Variants in CDH4 observed in about 807,000 individuals in gnomAD.
The protein encoded by CDH4 is cadherin-4.
CDH4 carries 33 observed loss-of-function variants against 86.0 expected under a neutral mutation model. The observed-to-expected ratio is 0.38, with a 90% CI of 0.29 to 0.51. The LOEUF is 0.51. CDH4 is among the 20% of genes least tolerant of loss of function. CDH4 has a pLI of 0.86. For missense variants in CDH4, 1,114 were observed against 1,307.4 expected (o/e 0.85, Z 2.28); for synonymous variants, 555 against 549.4 (o/e 1.01, Z -0.14).
At chr20:61,878,371 C>T (rs1031166687) in intron 7 of CDH4, among the ~76,000 whole-genome samples, 1 of 152,210 alleles carries the variant, frequency 6.6e-6, no homozygotes, top group Non-Finnish European at 1.5e-5. Context: ...GCAGCTGGCT[C>T]CATTTGGGTA....
chr20:61,874,731 G>A (rs1010723337), intron 7 of CDH4, among the ~76,000 whole-genome samples: 3 of 152,166 alleles, frequency 2.0e-5, no homozygotes, highest in African/African-American at 7.2e-5. Flanking sequence ...CCCATCTCCA[G>A]GTCTCGCTGT....
intron 2 of CDH4, among the ~76,000 whole-genome samples, chr20:61,577,200 GTA>G (rs1480087617): frequency 2.6e-5 from 4 of 151,816 alleles, no homozygotes; most frequent in East Asian, 1.9e-4. Context: ...TGAAGGTTGA[GTA>G]TATGTTTGTG....
intron 2 of CDH4, among the ~76,000 whole-genome samples, chr20:61,338,826 A>G (rs1044040629): frequency 1.3e-5 from 2 of 152,218 alleles, no homozygotes; most frequent in African/African-American, 4.8e-5. Context: ...TCTTAGAGAA[A>G]GTTCCATCAT....
chr20:61,488,418 TG>T (rs1194815100), intron 2 of CDH4, among the ~76,000 whole-genome samples: 3 of 152,226 alleles, frequency 2.0e-5, no homozygotes, highest in African/African-American at 7.2e-5. Flanking sequence ...GGGTCCCCTG[TG>T]GAATGATCCT....
intron 2 of CDH4, among the ~76,000 whole-genome samples, chr20:61,666,181 G>A (rs2087322050): frequency 6.6e-6 from 1 of 152,188 alleles, no homozygotes; most frequent in East Asian, 1.9e-4. Flanking sequence ...GGCTATTCTT[G>A]ATTTTCCCTG....
At chr20:61,330,054 A>G (rs995177173) in intron 2 of CDH4, among the ~76,000 whole-genome samples, 12 of 152,154 alleles carry the variant, frequency 7.9e-5, no homozygotes, top group Non-Finnish European at 1.3e-4. Flanking sequence ...TCCATGGTGT[A>G]TATGTACCAC....
At chr20:61,743,927 C>A in intron 3 of CDH4, 138 bp downstream of exon 3, 1 of 700,156 alleles carries the variant, frequency 1.4e-6, no homozygotes, top group Non-Finnish European at 2.4e-6. Context: ...CAGGCCATTG[C>A]CAACCAAGCA....
chr20:61,678,500 A>G (rs73915323), intron 2 of CDH4, among the ~76,000 whole-genome samples: 6,469 of 152,304 alleles, frequency 0.042, 467 homozygotes, highest in African/African-American at 0.15. Context: ...GGTGGGCGCA[A>G]TGACACCAGG....
At chr20:61,451,449 C>T (rs2085380203) in intron 2 of CDH4, among the ~76,000 whole-genome samples, 2 of 152,158 alleles carry the variant, frequency 1.3e-5, no homozygotes, top group South Asian at 4.2e-4. Context: ...ATAATAATAC[C>T]GTTATATATC....
chr20:61,795,851 A>ATGAATGAATGAGTGAATGAGTGAG (rs61104409), intron 4 of CDH4, among the ~76,000 whole-genome samples: 2 of 151,522 alleles, frequency 1.3e-5, no homozygotes, highest in African/African-American at 4.9e-5. Flanking sequence ...GAATGAGTGA[A>ATGAATGAATGAGTGAATGAGTGAG]TGAATGAATG....
rs1984206219 is a variant in CDH4, at chr20:61,879,888, C to T, written c.1050+5988C>T. 6.6e-6 allele frequency among the ~76,000 whole-genome samples: 1 copy of T among 152,160 alleles called. No homozygotes were observed. ...TGAATCCGGCCTTCCGGTCCTATCA[C>T]AAGAGGACTATCACCTGGTCACCTC... On this transcript the variant is annotated intron_variant, in intron 7 of 15. Coordinates refer to ENST00000614565, the MANE Select transcript of CDH4 (RefSeq NM_001794.5). This position sits in a 1 kb window ranked among gnomAD's most constrained non-coding sequence, Gnocchi z 4.1.
Position 61,835,173 on chromosome 20 carries a change from C to T in CDH4, c.577-9495C>T, listed in dbSNP as rs901967463. Among the ~76,000 whole-genome samples, 6 of 152,194 alleles carry T rather than the reference C, an allele frequency of 3.9e-5. No homozygotes were observed. The East Asian group carries it at 1.2e-3, about 29-fold the overall frequency. ...TCAAGTGATCCTCCCGCCTCAGCCC[C>T]CTGAGCATCTGGGTCTACAGGCATG... is the stretch of plus-strand genomic sequence containing the variant. On this transcript the variant is annotated intron_variant, in intron 4 of 15. Coordinates refer to ENST00000614565, the MANE Select transcript of CDH4 (RefSeq NM_001794.5).
intron 4 of CDH4, among the ~76,000 whole-genome samples, chr20:61,819,959 C>A (rs112503500): frequency 0.018 from 2,773 of 152,302 alleles, 29 homozygotes; most frequent in Middle Eastern, 0.044. Context: ...TGCACACCTG[C>A]CCGTGAAAGG....
At chr20:61,471,635 T>A (rs1301338187) in intron 2 of CDH4, among the ~76,000 whole-genome samples, 1 of 152,078 alleles carries the variant, frequency 6.6e-6, no homozygotes, top group East Asian at 1.9e-4. Context: ...TTTGTTGATA[T>A]AGGTGCTTAT....
At chr20:61,895,504 T>TG (rs1985063793) in intron 8 of CDH4, among the ~76,000 whole-genome samples, 1 of 152,180 alleles carries the variant, frequency 6.6e-6, no homozygotes, top group South Asian at 2.1e-4. Flanking sequence ...ACCGGCTGCC[T>TG]GGGGCCTGAG....
intron 2 of CDH4, among the ~76,000 whole-genome samples, chr20:61,729,560 C>A (rs561887879): frequency 1.3e-5 from 2 of 152,350 alleles, no homozygotes; most frequent in Admixed American, 1.3e-4. Context: ...TGCAAACAGG[C>A]TTGCTGAGGT....
At chr20:61,296,508 C>T (rs954734364) in intron 2 of CDH4, among the ~76,000 whole-genome samples, 4 of 151,904 alleles carry the variant, frequency 2.6e-5, no homozygotes, top group Non-Finnish European at 5.9e-5. Context: ...AAATTATGGG[C>T]CAGGAAATAC....
Position 61,615,053 on chromosome 20 carries a change from C to T in CDH4, c.170-128510C>T, listed in dbSNP as rs148604702. 1.3e-3 allele frequency among the ~76,000 whole-genome samples: 196 copies of T among 152,270 alleles called. 3 individuals carry two copies. Among genetic ancestry groups the T allele is most frequent in the African/African-American group, 4.4e-3 (184 of 41,512 alleles). The stretch of plus-strand genomic sequence containing the variant: ...AGGCCTCTGCTGGGAGGCCACTCTT[C>T]TGGCCAAGTTAGAGTTCTCTGCATT... On this transcript the variant is annotated intron_variant, in intron 2 of 15. Coordinates refer to ENST00000614565, the MANE Select transcript of CDH4 (RefSeq NM_001794.5).
At chr20:61,733,185 A>G (rs1208879348) in intron 2 of CDH4, among the ~76,000 whole-genome samples, 1 of 152,074 alleles carries the variant, frequency 6.6e-6, no homozygotes, top group East Asian at 1.9e-4. Context: ...ACCGCTGCTG[A>G]TGTCGTTTAG....
Sources: gnomAD v4.1 joint callset for allele counts (sites outside exome capture counted in the v4.1 genomes callset) on GRCh38, gnomAD v4.1.1 for gene constraint, Gnocchi (gnomAD v3.1) non-coding constraint, MANE v1.5 for transcripts, NCBI Gene and HGNC (gene_info 2026-07-23, HGNC 2026-07-21) for gene names.